Variants in TRIP11 observed in about 807,000 individuals in gnomAD.
TRIP11 encodes thyroid receptor-interacting protein 11.
In TRIP11, 148 loss-of-function variants were observed where a neutral mutation model predicts 223.1. The ratio of observed to expected loss-of-function variants is 0.66; its 90% CI spans 0.58 to 0.76. TRIP11 has a LOEUF of 0.76. TRIP11 is among the 30% of genes least tolerant of loss of function. The pLI, the probability that TRIP11 is intolerant of heterozygous loss-of-function variation, is 0.00. For synonymous variants in TRIP11, 762 were observed against 772.6 expected, an observed-to-expected ratio of 0.99 and a Z score of 0.23; for missense variants, 2,043 against 2,222.0, an observed-to-expected ratio of 0.92 and a Z score of 1.62.
At chr14:92,030,203 C>CAAAA (rs55828319) in intron 2 of TRIP11, among the ~76,000 whole-genome samples, 29 of 67,076 alleles carry the variant, frequency 4.3e-4, no homozygotes, top group East Asian at 1.5e-3. Context: ...GACTCCGTCT[C>CAAAA]AAAAAAAAAA....
At chr14:91,986,741 G>A (rs1333683520) in intron 16 of TRIP11, among the ~76,000 whole-genome samples, 1 of 152,192 alleles carries the variant, frequency 6.6e-6, no homozygotes, top group Non-Finnish European at 1.5e-5. Context: ...TCAATTCCCA[G>A]TGTGTCTCCT....
intron 17 of TRIP11, among the ~76,000 whole-genome samples, chr14:91,975,827 A>T (rs1453325383): frequency 6.6e-6 from 1 of 152,114 alleles, no homozygotes; most frequent in Non-Finnish European, 1.5e-5. Context: ...GTAAAAATAA[A>T]TTTTTTATTT....
Position 92,039,645 on chromosome 14 carries a change from T to G in TRIP11, c.41A>C (p.Gln14Pro), listed in dbSNP as rs760522108. The G allele has an allele frequency of 1.4e-5, 22 of 1,612,582 alleles. No individual in the cohort carries two copies. In the African/African-American group the frequency reaches 2.3e-4, roughly 17 times the overall value. Residue 14 changes from glutamine to proline, a missense_variant, in exon 1 of 21, where the codon CAG becomes CCG. Physicochemically the swap from Gln to Pro is moderately conservative, Grantham distance 76 (BLOSUM62 -1). Coordinates refer to ENST00000267622, the MANE Select transcript of TRIP11 (RefSeq NM_004239.4). ...GCTGCCCCCGACTTGACCCAGAGAC[T>G]GGCCCAATCCGGAGCCGAGGCCCCC... ...WLGGLGSGLG[Q>P]SLGQVGGSLA...
chr14:91,992,384 C>T (rs1241052871), intron 15 of TRIP11, among the ~76,000 whole-genome samples: 2 of 152,022 alleles, frequency 1.3e-5, no homozygotes, highest in Non-Finnish European at 2.9e-5. Flanking sequence ...ATTTCTTACA[C>T]TGGGTGGTGA....
rs1408226438 is a variant in TRIP11, at chr14:92,005,971, T to A, written c.2005A>T (p.Lys669Ter). Reference protein sequence around the residue: ...SELEQLNENLKKVAFDVKMEN... With the variant: ...SELEQLNENL ...ATTTTGACATCAAAAGCAACTTTCT[T>A]TAAATTTTCATTGAGCTGTTCTAAT... Residue 669 changes from lysine (K) to a stop codon, truncating the protein, a stop_gained, in exon 11 of 21, where the codon AAG (lysine) becomes TAG (stop). Transcript: ENST00000267622. LOFTEE classifies it high-confidence loss of function. 6.2e-7 allele frequency: 1 copy of A among 1,612,484 alleles called. No individual in the cohort carries two copies. Among genetic ancestry groups the A allele is most frequent in the African/African-American group, 1.3e-5 (1 of 74,902 alleles).
intron 3 of TRIP11, among the ~76,000 whole-genome samples, chr14:92,022,523 G>C (rs2057127835): frequency 6.6e-6 from 1 of 152,186 alleles, no homozygotes; most frequent in African/African-American, 2.4e-5. Context: ...CTGAAGTTCT[G>C]AAATTACCAG....
In TRIP11 at chr14:92,025,511, C is replaced by CA. The variant is rs970254469; in HGVS notation, c.202-92_202-91insT. On this transcript the variant is annotated intron_variant, in intron 2 of 20. Transcript: ENST00000267622. ...GCATTATGAAAAACGTACTGCTTTC[C>CA]CCCCCCAAAAATGTCAAATATAAAA... The CA allele has an allele frequency of 1.3e-4, 110 of 840,596 alleles. 2 individuals are homozygous for CA. The African/African-American group carries it at 1.5e-3, about 12-fold the overall frequency. The allele number at this position is 840,596 out of a possible 1,614,324, so 52.1% of individuals were successfully genotyped here. A position where few individuals can be genotyped will look rare whatever the true frequency, so the allele number is the denominator to read the frequency against.
At chr14:92,011,685 C>T in intron 8 of TRIP11, 70 bp downstream of exon 8, 1 of 1,283,302 alleles carries the variant, frequency 7.8e-7, no homozygotes, top group Non-Finnish European at 1.1e-6. Context: ...AATTAAAACT[C>T]ATTTCTCACT....
Position 92,005,981 on chromosome 14 carries a change from A to G in TRIP11, c.1995T>C (p.Asn665=). ...CAAAAGCAACTTTCTTTAAATTTTC[A>G]TTGAGCTGTTCTAATTCTGAAAGAT... ...KQNLSELEQL[N]ENLKKVAFDV... The change falls in exon 11 of 21, where the codon AAT becomes AAC. Residue 665 remains asparagine, a synonymous_variant. Transcript: ENST00000267622. 6.2e-7 allele frequency: 1 copy of G among 1,612,252 alleles called. No individual in the cohort carries two copies. The highest frequency in any genetic ancestry group is 8.5e-7 in the Non-Finnish European group (1 of 1,179,556).
intron 8 of TRIP11, 29 bp from the exon 9 acceptor site, chr14:92,011,101 G>C (rs749965205): frequency 1.2e-6 from 2 of 1,602,942 alleles, no homozygotes; most frequent in Non-Finnish European, 1.7e-6. Flanking sequence ...AGTGTTTTCA[G>C]GTAACAAGAA....
chr14:92,028,397 T>C (rs948812258), intron 2 of TRIP11, among the ~76,000 whole-genome samples: 1 of 151,714 alleles, frequency 6.6e-6, no homozygotes, highest in Non-Finnish European at 1.5e-5. Flanking sequence ...AAAATACAAA[T>C]ACAAAATTAG....
chr14:92,000,190 T>C, intron 11 of TRIP11, 82 bp from the exon 12 acceptor site: 1 of 1,579,890 alleles, frequency 6.3e-7, no homozygotes, highest in Non-Finnish European at 8.6e-7. Context: ...ACTCAATTAT[T>C]AATTCATTTA....
chr14:92,004,528 T>C lies in TRIP11; in HGVS notation c.3448A>G (p.Ser1150Gly). The C allele has an allele frequency of 1.2e-6, 2 of 1,613,372 alleles. No individual in the cohort carries two copies. The highest frequency in any genetic ancestry group is 1.7e-6 in the Non-Finnish European group (2 of 1,179,928). The part of the protein sequence containing the change: ...NKKLSTRFES[S>G]GQDMFRETIQ... Reference sequence around the variant, plus strand: ...GTTTCTCTAAACATATCTTGGCCACTACTTTCAAATCTAGTGGACAATTTT... The same window carrying C: ...GTTTCTCTAAACATATCTTGGCCACCACTTTCAAATCTAGTGGACAATTTT... Residue 1150 changes from serine (S) to glycine (G), a missense_variant, in exon 11 of 21, where the codon AGT becomes GGT. By Grantham distance (56) the Ser-to-Gly change is moderately conservative. Coordinates refer to ENST00000267622, the MANE Select transcript of TRIP11 (RefSeq NM_004239.4).
chr14:92,000,865 T>C (rs2056816560), intron 11 of TRIP11, among the ~76,000 whole-genome samples: 1 of 114,692 alleles, frequency 8.7e-6, no homozygotes, highest in Admixed American at 9.7e-5. Context: ...TTTTTTTTTC[T>C]TTTTTTTTTT....
intron 15 of TRIP11, among the ~76,000 whole-genome samples, chr14:91,989,969 C>T (rs1156812091): frequency 6.6e-6 from 1 of 152,144 alleles, no homozygotes; most frequent in African/African-American, 2.4e-5. Context: ...CTGCTGAGTT[C>T]CAGCCTGCCT....
chr14:91,970,005 G>T, intron 20 of TRIP11, 112 bp from the exon 21 acceptor site: 1 of 1,085,928 alleles, frequency 9.2e-7, no homozygotes, highest in Non-Finnish European at 1.3e-6. Flanking sequence ...AAATTGATTA[G>T]CATAGATAAA....
At position 91,984,799 on chromosome 14, in the gene TRIP11, G is replaced by C. The variant is rs372540119; in HGVS notation, c.5260+3485C>G. 3.3e-4 allele frequency among the ~76,000 whole-genome samples: 50 copies of C among 152,302 alleles called. No individual in the cohort carries two copies. The East Asian group carries it at 8.7e-3, about 26-fold the overall frequency. ...TCTGAACTCTGATCAGCTCAGAGTAGTTAATGAAAACCACTGTCATATGTG... is the reference window on the plus strand; with the variant it reads ...TCTGAACTCTGATCAGCTCAGAGTACTTAATGAAAACCACTGTCATATGTG... On this transcript the variant is annotated intron_variant, in intron 16 of 20. Coordinates refer to ENST00000267622, the MANE Select transcript of TRIP11 (RefSeq NM_004239.4).
chr14:91,990,647 C>T (rs1306311308), intron 15 of TRIP11, among the ~76,000 whole-genome samples: 3 of 152,104 alleles, frequency 2.0e-5, no homozygotes, highest in Non-Finnish European at 2.9e-5. Context: ...TGCATTCCAG[C>T]CTGGGAAACA....
At chr14:92,029,119 G>A (rs185537503) in intron 2 of TRIP11, among the ~76,000 whole-genome samples, 1 of 151,706 alleles carries the variant, frequency 6.6e-6, no homozygotes, top group Admixed American at 6.6e-5. Context: ...AAAACATTTG[G>A]CTCTTTTACT....
Sources: gnomAD v4.1 joint callset for allele counts (sites outside exome capture counted in the v4.1 genomes callset) on GRCh38, gnomAD v4.1.1 for gene constraint, MANE v1.5 for transcripts, NCBI Gene and HGNC (gene_info 2026-07-23, HGNC 2026-07-21) for gene names.